Variants in MYO9A observed in about 807,000 individuals in gnomAD.
The protein encoded by MYO9A is unconventional myosin-IXa.
A neutral mutation model predicts 293.3 loss-of-function variants in MYO9A; 103 were observed. The ratio of observed to expected loss-of-function variants is 0.35; its 90% CI spans 0.30 to 0.41. MYO9A has a LOEUF of 0.41. Among genes scored for constraint, MYO9A ranks in the 10% least tolerant of loss-of-function variants. MYO9A has a pLI of 1.00. For synonymous variants in MYO9A, 1,001 were observed against 1,035.7 expected (o/e 0.97, Z 0.64); for missense variants, 2,685 against 3,033.0 (o/e 0.89, Z 2.69).
At chr15:71,911,345 C>G (rs907676433) in intron 19 of MYO9A, among the ~76,000 whole-genome samples, 1 of 152,104 alleles carries the variant, frequency 6.6e-6, no homozygotes, top group Admixed American at 6.5e-5. Context: ...GGAATTCATA[C>G]TTCTACAAGT....
intron 1 of MYO9A, among the ~76,000 whole-genome samples, chr15:72,078,587 G>A (rs1366224173): frequency 5.3e-5 from 8 of 152,026 alleles, no homozygotes; most frequent in Non-Finnish European, 1.2e-4. Flanking sequence ...GCTGAGGTGG[G>A]AGAATTGCTT....
At chr15:71,922,317 TTTG>T in intron 18 of MYO9A, among the ~76,000 whole-genome samples, 1 of 152,314 alleles carries the variant, frequency 6.6e-6, no homozygotes. Context: ...ACTGTATATT[TTTG>T]GTTTTTCATC....
intron 18 of MYO9A, among the ~76,000 whole-genome samples, chr15:71,918,490 T>C (rs1013261236): frequency 9.2e-5 from 14 of 152,220 alleles, no homozygotes; most frequent in African/African-American, 1.4e-4. Context: ...GTAAGCACTA[T>C]TGATCAAAAA....
intron 23 of MYO9A, among the ~76,000 whole-genome samples, chr15:71,900,507 A>C: frequency 6.6e-6 from 1 of 152,152 alleles, no homozygotes; most frequent in East Asian, 1.9e-4. Context: ...AAATAGAAAA[A>C]AGTTTTCTCT....
chr15:71,896,902 A>G (rs1469029170), intron 25 of MYO9A: 1 of 152,330 alleles, frequency 6.6e-6, no homozygotes, highest in East Asian at 1.9e-4. Flanking sequence ...CAATGGGTAC[A>G]GAGTTTTATT....
intron 6 of MYO9A, among the ~76,000 whole-genome samples, chr15:72,017,577 C>T (rs1266834756): frequency 1.3e-5 from 2 of 151,550 alleles, no homozygotes; most frequent in East Asian, 1.9e-4. Flanking sequence ...TGTTTTTTTC[C>T]CCAAAATGTT....
At chr15:72,089,264 G>T (rs1398363756) in intron 1 of MYO9A, among the ~76,000 whole-genome samples, 1 of 152,128 alleles carries the variant, frequency 6.6e-6, no homozygotes, top group Admixed American at 6.6e-5. Context: ...CTGGGCTCAA[G>T]CAATCCTTCC....
chr15:72,087,802 GA>G (rs2079788257), intron 1 of MYO9A, among the ~76,000 whole-genome samples: 1 of 152,082 alleles, frequency 6.6e-6, no homozygotes, highest in African/African-American at 2.4e-5. Context: ...TTTCTCCAGA[GA>G]AAATTTACCT....
intron 13 of MYO9A, among the ~76,000 whole-genome samples, chr15:71,965,228 G>A (rs1035440122): frequency 3.3e-5 from 5 of 151,962 alleles, no homozygotes; most frequent in Non-Finnish European, 5.9e-5. Flanking sequence ...TTATCCTTAT[G>A]ATGTGCTAAT....
intron 1 of MYO9A, among the ~76,000 whole-genome samples, chr15:72,102,030 GCTTTGT>G (rs1176440633): frequency 6.6e-6 from 1 of 151,270 alleles, no homozygotes; most frequent in East Asian, 2.0e-4. Context: ...GACAATGGCG[GCTTTGT>G]GGAATAGAAA....
chr15:71,995,813 C>A (rs1596341155), intron 9 of MYO9A, among the ~76,000 whole-genome samples: 1 of 151,994 alleles, frequency 6.6e-6, no homozygotes, highest in Non-Finnish European at 1.5e-5. Context: ...AGTTACTTAA[C>A]CTCTTAGGCT....
In MYO9A at chr15:72,028,218, A is replaced by AT. The variant is rs1555408278; in HGVS notation, c.936-426_936-425insA. Among the ~76,000 whole-genome samples, 939 of 134,214 alleles carry AT rather than the reference A, an allele frequency of 7.0e-3. 6 individuals are homozygous for AT. Among genetic ancestry groups the AT allele is most frequent in the East Asian group, 0.045 (212 of 4,742 alleles). The allele number at this position is 134,214 out of a possible 152,430, so 88.0% of individuals were successfully genotyped here. ...TCTCAAAAAAATAAATAAATAAATA[A>AT]ATATATATATATATATATATAAATA... On this transcript the variant is annotated intron_variant, in intron 3 of 41. Transcript: ENST00000356056.
At chr15:72,055,286 C>T (rs923339992) in intron 1 of MYO9A, among the ~76,000 whole-genome samples, 1 of 152,026 alleles carries the variant, frequency 6.6e-6, no homozygotes, top group East Asian at 1.9e-4. Flanking sequence ...GTTGGCAGGC[C>T]ACATGTAGAA....
At chr15:71,945,139 A>C (rs1024990739) in intron 15 of MYO9A, among the ~76,000 whole-genome samples, 1 of 152,212 alleles carries the variant, frequency 6.6e-6, no homozygotes, top group Non-Finnish European at 1.5e-5. Flanking sequence ...ACAACAATTC[A>C]GGAGTGGCTT....
At chr15:71,935,315 A>C in intron 17 of MYO9A, 26 bp downstream of exon 17, 1 of 1,525,434 alleles carries the variant, frequency 6.6e-7, no homozygotes, top group Non-Finnish European at 8.8e-7. Context: ...AACAAAAAAC[A>C]ATTTACATTA....
In MYO9A at chr15:71,899,675, A is replaced by G; in HGVS notation, c.3470+12T>C. The G allele has an allele frequency of 1.3e-6, 2 of 1,598,670 alleles. No individual in the cohort carries two copies. Among genetic ancestry groups the G allele is most frequent in the South Asian group, 2.3e-5 (2 of 88,592 alleles). ...GAAGAAAAAAAGCAATTATTATAGT[A>G]ATAGAGATTACCTTTGTCTTGCTCT... On this transcript the variant is annotated intron_variant, in intron 24 of 41. Transcript: ENST00000356056.
Position 72,029,020 on chromosome 15 carries a change from G to A in MYO9A, c.936-1227C>T, listed in dbSNP as rs369644737. ...TAGAGCAATGACCAGGATATTATGC[G>A]TACACAAAGAGAGACACCTGAGATT... On this transcript the variant is annotated intron_variant, in intron 3 of 41. Transcript: ENST00000356056. Among the ~76,000 whole-genome samples the A allele has an allele frequency of 1.8e-4, 27 of 152,252 alleles. No homozygotes were observed. In the East Asian group the frequency reaches 4.2e-3, roughly 24 times the overall value.
intron 25 of MYO9A, chr15:71,897,234 G>A (rs1284069186): frequency 2.0e-6 from 1 of 511,022 alleles, no homozygotes. Flanking sequence ...TTAATGGGGA[G>A]GAACCCAGTA....
At chr15:72,040,042 C>T in intron 2 of MYO9A, 1 of 158,348 alleles carries the variant, frequency 6.3e-6, no homozygotes, top group South Asian at 1.9e-4. Context: ...GCTTGTGGAC[C>T]ACAAATCACA....
Sources: gnomAD v4.1 joint callset for allele counts (sites outside exome capture counted in the v4.1 genomes callset) on GRCh38, gnomAD v4.1.1 for gene constraint, MANE v1.5 for transcripts, NCBI Gene and HGNC (gene_info 2026-07-23, HGNC 2026-07-21) for gene names.